THADA: variants seen among roughly 807,000 people sequenced by gnomAD.
The protein encoded by THADA is THADA armadillo repeat containing, also known as tRNA (32-2'-O)-methyltransferase regulator THADA.
THADA carries 213 observed loss-of-function variants against 219.8 expected under a neutral mutation model. That is an observed-to-expected ratio of 0.97 (90% confidence interval 0.87 to 1.09). The LOEUF is 1.09. THADA is among the 50% of genes least tolerant of loss of function. THADA has a pLI of 0.00. For synonymous variants in THADA, 1,018 were observed against 828.9 expected (o/e 1.23, Z -3.92); for missense variants, 2,956 against 2,311.3 (o/e 1.28, Z -5.72).
chr2:43,400,394 A>G (rs767422640), intron 28 of THADA, among the ~76,000 whole-genome samples: 11 of 150,134 alleles, frequency 7.3e-5, no homozygotes. Flanking sequence ...CATTCATTAT[A>G]AAGCAATGGT....
At chr2:43,425,516 T>C (rs1178383413) in intron 28 of THADA, among the ~76,000 whole-genome samples, 1 of 151,220 alleles carries the variant, frequency 6.6e-6, no homozygotes, top group African/African-American at 2.4e-5. Flanking sequence ...ATCCCAAGTT[T>C]AATTTTGCTA....
At chr2:43,367,344 A>T (rs79625619) in intron 29 of THADA, among the ~76,000 whole-genome samples, 20,447 of 151,570 alleles carry the variant, frequency 0.13, 1,999 homozygotes, top group African/African-American at 0.27. Flanking sequence ...GTCTTTTTTT[A>T]AAAAAATTTA....
chr2:43,326,105 T>C (rs1679291356), intron 30 of THADA, among the ~76,000 whole-genome samples: 1 of 148,554 alleles, frequency 6.7e-6, no homozygotes, highest in South Asian at 2.1e-4. Flanking sequence ...GCACAGTATA[T>C]ACACACAAAC....
intron 24 of THADA, among the ~76,000 whole-genome samples, chr2:43,503,375 G>C (rs898434005): frequency 3.3e-5 from 5 of 152,128 alleles, no homozygotes; most frequent in African/African-American, 1.2e-4. Flanking sequence ...AGTGAACAGG[G>C]GCTGAACAGG....
chr2:43,481,646 G>C (rs1200821266), intron 26 of THADA, among the ~76,000 whole-genome samples: 5 of 152,172 alleles, frequency 3.3e-5, no homozygotes, highest in Non-Finnish European at 4.4e-5. Flanking sequence ...TGACTCACAT[G>C]TAACAATTTT....
rs764533786 is a variant in THADA, at chr2:43,480,825, A to G, written c.3836+4409T>C. Among the ~76,000 whole-genome samples the G allele has an allele frequency of 8.8e-3, 1,144 of 129,490 alleles. 6 individuals carry two copies. The highest frequency in any genetic ancestry group is 0.013 in the East Asian group (62 of 4,830). The allele number at this position is 129,490 out of a possible 152,430, so 85.0% of individuals were successfully genotyped here. ...AGTGCGAGACTCTGTCTTGGGGGGG[A>G]AAAAAAAAAAAAAGAAAAAAAAATT... On this transcript the variant is annotated intron_variant, in intron 26 of 37. Coordinates refer to ENST00000405975, the MANE Select transcript of THADA (RefSeq NM_022065.5).
intron 4 of THADA, among the ~76,000 whole-genome samples, chr2:43,588,171 G>A (rs910650925): frequency 6.6e-6 from 1 of 151,840 alleles, no homozygotes; most frequent in Non-Finnish European, 1.5e-5. Flanking sequence ...CAAATATGTG[G>A]GCAAAGATGG....
intron 30 of THADA, chr2:43,333,341 G>C (rs1666012750): frequency 1.3e-5 from 2 of 152,058 alleles, no homozygotes; most frequent in African/African-American, 4.8e-5. Flanking sequence ...ATTCAAATCT[G>C]CATGAGGCTC....
At chr2:43,519,343 C>T (rs1692122034) in intron 22 of THADA, among the ~76,000 whole-genome samples, 1 of 152,126 alleles carries the variant, frequency 6.6e-6, no homozygotes, top group Non-Finnish European at 1.5e-5. Context: ...CTAGTGCTGG[C>T]TCAATCACCA....
intron 27 of THADA, among the ~76,000 whole-genome samples, chr2:43,429,225 A>C (rs894061931): frequency 6.6e-6 from 1 of 152,042 alleles, no homozygotes; most frequent in Admixed American, 6.5e-5. Flanking sequence ...CTCCTACCTC[A>C]GCCTCCCAAG....
intron 28 of THADA, among the ~76,000 whole-genome samples, chr2:43,422,779 C>G (rs1406347052): frequency 6.6e-6 from 1 of 152,114 alleles, no homozygotes; most frequent in East Asian, 1.9e-4. Flanking sequence ...TGCAGTGGCC[C>G]AATCACAGCT....
chr2:43,242,833 C>A (rs1005661579), intron 36 of THADA, among the ~76,000 whole-genome samples: 6 of 152,130 alleles, frequency 3.9e-5, no homozygotes, highest in African/African-American at 1.4e-4. Flanking sequence ...CTCATAAGTA[C>A]TGAATACATG....
intron 7 of THADA, among the ~76,000 whole-genome samples, chr2:43,585,346 C>CAAAAAAAAAA (rs34682195): frequency 1.0e-5 from 1 of 95,362 alleles, no homozygotes; most frequent in African/African-American, 3.7e-5. Flanking sequence ...CTCATTCCTA[C>CAAAAAAAAAA]AAAAAAAAAA....
Position 43,344,119 on chromosome 2 carries a change from T to A in THADA, c.4343+3A>T, listed in dbSNP as rs573164552. ...TCCTTGCTCATGTGGGATTTTAACATACCTCTTGGCCAGCCAGAGTTTGGC... is the reference window on the plus strand; with the variant it reads ...TCCTTGCTCATGTGGGATTTTAACAAACCTCTTGGCCAGCCAGAGTTTGGC... On this transcript the variant is annotated splice_donor_region_variant and intron_variant, in intron 30 of 37. Transcript: ENST00000405975. 1.9e-6 allele frequency: 3 copies of A among 1,600,826 alleles called. No individual in the cohort carries two copies. Among genetic ancestry groups the A allele is most frequent in the Non-Finnish European group, 2.6e-6 (3 of 1,171,882 alleles).
chr2:43,434,354 G>A (rs1218697829), intron 26 of THADA, among the ~76,000 whole-genome samples: 2 of 152,220 alleles, frequency 1.3e-5, no homozygotes, highest in African/African-American at 2.4e-5. Context: ...GGTTCCTGGC[G>A]AAGGAGGCTC....
At position 43,488,954 on chromosome 2, in the gene THADA, C is replaced by G. The variant is rs79536610; in HGVS notation, c.3745-3629G>C. 3.9e-3 allele frequency among the ~76,000 whole-genome samples: 599 copies of G among 152,278 alleles called. 7 individuals are homozygous for G. The highest frequency in any genetic ancestry group is 0.013 in the African/African-American group (558 of 41,554). ...ATCCTTTTGTGTGCTTACTGGCCATCTGCCTATCTTTTTTGGAGATAAATA... is the reference window on the plus strand; with the variant it reads ...ATCCTTTTGTGTGCTTACTGGCCATGTGCCTATCTTTTTTGGAGATAAATA... On this transcript the variant is annotated intron_variant, in intron 25 of 37. Coordinates refer to ENST00000405975, the MANE Select transcript of THADA (RefSeq NM_022065.5).
At chr2:43,581,629 A>G (rs960404311) in intron 8 of THADA, 112 bp downstream of exon 8, 60 of 919,442 alleles carry the variant, frequency 6.5e-5, no homozygotes, top group African/African-American at 2.8e-4. Context: ...GTAAGGACAC[A>G]TTCCACATCT....
At chr2:43,286,825 C>A in intron 35 of THADA, 83 bp downstream of exon 35, 1 of 1,513,998 alleles carries the variant, frequency 6.6e-7, no homozygotes, top group Non-Finnish European at 9.0e-7. Context: ...TGCCATCTTT[C>A]ACCTTCCCTT....
At chr2:43,271,612 CTTTTTTT>C (rs11365531) in intron 36 of THADA, among the ~76,000 whole-genome samples, 152 of 118,604 alleles carry the variant, frequency 1.3e-3, no homozygotes, top group Non-Finnish European at 1.9e-3. Context: ...ACTCTTGGAA[CTTTTTTT>C]TTTTTTTTTT....
Sources: gnomAD v4.1 joint callset for allele counts (sites outside exome capture counted in the v4.1 genomes callset) on GRCh38, gnomAD v4.1.1 for gene constraint, MANE v1.5 for transcripts, NCBI Gene and HGNC (gene_info 2026-07-23, HGNC 2026-07-21) for gene names.